Variants in RAP1A observed in about 807,000 individuals in gnomAD.
RAP1A encodes the protein ras-related protein Rap-1A.
A neutral mutation model predicts 26.4 loss-of-function variants in RAP1A; 6 were observed. The observed-to-expected ratio is 0.23, with a 90% CI of 0.12 to 0.45. The LOEUF (loss-of-function observed/expected upper bound fraction) is 0.45. Among genes scored for constraint, RAP1A ranks in the 20% least tolerant of loss-of-function variants. RAP1A has a pLI of 0.99. For synonymous variants in RAP1A, 73 were observed against 79.4 expected (o/e 0.92, Z 0.43); for missense variants, 121 against 217.2 (o/e 0.56, Z 2.78).
chr1:111,565,762 C>T (rs1159661217), intron 1 of RAP1A, among the ~76,000 whole-genome samples: 1 of 152,046 alleles, frequency 6.6e-6, no homozygotes, highest in East Asian at 1.9e-4. Context: ...TTTGTTAGTG[C>T]TCATGTACTT....
chr1:111,582,763 C>T lies in RAP1A; in HGVS notation c.-28+40254C>T, dbSNP rs547513504. Reference sequence around the variant, plus strand: ...AATTAAAAGTACTCAGTTGTACTTCCTAAGGCATTTCCTGTTTAGAGGGTG... The same window carrying T: ...AATTAAAAGTACTCAGTTGTACTTCTTAAGGCATTTCCTGTTTAGAGGGTG... On this transcript the variant is annotated intron_variant, in intron 1 of 7. Coordinates refer to the RAP1A transcript ENST00000356415. 1.1e-3 allele frequency among the ~76,000 whole-genome samples: 167 copies of T among 152,262 alleles called. 1 individual carries two copies. Among genetic ancestry groups the T allele is most frequent in the African/African-American group, 3.9e-3 (160 of 41,546 alleles).
chr1:111,589,605 T>C (rs1658433622), intron 1 of RAP1A, among the ~76,000 whole-genome samples: 1 of 152,216 alleles, frequency 6.6e-6, no homozygotes, highest in Non-Finnish European at 1.5e-5. Flanking sequence ...TTGCTCCATT[T>C]CTACCTGTTT....
At chr1:111,614,631 T>A (rs377709827) in intron 1 of RAP1A, among the ~76,000 whole-genome samples, 17 of 152,318 alleles carry the variant, frequency 1.1e-4, no homozygotes, top group African/African-American at 4.1e-4. Flanking sequence ...TCTGTTTCTC[T>A]TCAAACGTCT....
chr1:111,669,834 A>T (rs1660919630), intron 1 of RAP1A, among the ~76,000 whole-genome samples: 1 of 152,246 alleles, frequency 6.6e-6, no homozygotes, highest in Non-Finnish European at 1.5e-5. Context: ...AGAAATGTAA[A>T]CCTAAAGTCT....
intron 1 of RAP1A, among the ~76,000 whole-genome samples, chr1:111,580,311 C>T (rs148767856): frequency 6.6e-6 from 1 of 152,156 alleles, no homozygotes; most frequent in Non-Finnish European, 1.5e-5. Flanking sequence ...TCTCACTGTG[C>T]TCCATGGCTA....
At chr1:111,603,827 G>C (rs1658716987) in intron 1 of RAP1A, among the ~76,000 whole-genome samples, 1 of 152,098 alleles carries the variant, frequency 6.6e-6, no homozygotes, top group Admixed American at 6.5e-5. Context: ...AAAATTTGCA[G>C]GATTGCAACT....
chr1:111,697,190 T>C (rs924645363), intron 3 of RAP1A, among the ~76,000 whole-genome samples: 1 of 152,204 alleles, frequency 6.6e-6, no homozygotes, highest in Non-Finnish European at 1.5e-5. Context: ...TAATAACAAA[T>C]AAGAATCGTT....
chr1:111,629,982 T>C (rs1206104529), intron 1 of RAP1A, among the ~76,000 whole-genome samples: 3 of 152,226 alleles, frequency 2.0e-5, no homozygotes, highest in Non-Finnish European at 4.4e-5. Context: ...AATAGCATAG[T>C]CCTTAGTTTG....
intron 1 of RAP1A, among the ~76,000 whole-genome samples, chr1:111,576,223 T>C (rs556178811): frequency 1.3e-5 from 2 of 152,338 alleles, no homozygotes; most frequent in South Asian, 4.1e-4. Flanking sequence ...TGCTACTGGT[T>C]ACAGGACCAC....
intron 1 of RAP1A, among the ~76,000 whole-genome samples, chr1:111,641,172 A>G (rs529253422): frequency 5.9e-5 from 9 of 152,282 alleles, no homozygotes; most frequent in East Asian, 1.9e-4. Flanking sequence ...TCTTTTTACA[A>G]TTCCTTTTGT....
chr1:111,658,601 C>T (rs892870333), intron 1 of RAP1A, among the ~76,000 whole-genome samples: 11 of 152,126 alleles, frequency 7.2e-5, no homozygotes, highest in African/African-American at 1.2e-4. Context: ...TAGGCCTACA[C>T]TGGTTCAGGA....
At chr1:111,692,349 G>C (rs1382611711) in intron 2 of RAP1A, among the ~76,000 whole-genome samples, 1 of 152,156 alleles carries the variant, frequency 6.6e-6, no homozygotes, top group Non-Finnish European at 1.5e-5. Flanking sequence ...AGAGAGGCCG[G>C]TGATATGATT....
At chr1:111,683,238 C>A (rs1469233842) in intron 1 of RAP1A, among the ~76,000 whole-genome samples, 1 of 152,120 alleles carries the variant, frequency 6.6e-6, no homozygotes, top group Non-Finnish European at 1.5e-5. Flanking sequence ...TATCAACACC[C>A]TAGCATCACA....
At chr1:111,609,238 G>A (rs1658876104) in intron 1 of RAP1A, among the ~76,000 whole-genome samples, 1 of 152,136 alleles carries the variant, frequency 6.6e-6, no homozygotes, top group South Asian at 2.1e-4. Flanking sequence ...CTGGGTGCAG[G>A]AGGCAAGGGA....
chr1:111,688,881 C>T (rs1239711762), intron 1 of RAP1A, among the ~76,000 whole-genome samples: 1 of 148,872 alleles, frequency 6.7e-6, no homozygotes, highest in Non-Finnish European at 1.5e-5. Context: ...ATCGCCCAGG[C>T]AGGAGTGCAG....
chr1:111,633,301 G>T (rs1380660623), intron 1 of RAP1A, among the ~76,000 whole-genome samples: 2 of 152,042 alleles, frequency 1.3e-5, no homozygotes, highest in Non-Finnish European at 2.9e-5. Context: ...AGTTGATTTG[G>T]TAATGACATA....
At chr1:111,690,892 C>T (rs1299376082) in intron 1 of RAP1A, among the ~76,000 whole-genome samples, 2 of 152,110 alleles carry the variant, frequency 1.3e-5, no homozygotes, top group South Asian at 4.2e-4. Context: ...CAATAATGAA[C>T]AAAATAGTAT....
chr1:111,693,045 A>C (rs2101250918), intron 2 of RAP1A, among the ~76,000 whole-genome samples: 1 of 150,660 alleles, frequency 6.6e-6, no homozygotes, highest in East Asian at 1.9e-4. Context: ...AGAGAAGAGC[A>C]GAGCCCAGGA....
chr1:111,605,356 G>T (rs1183891566), intron 1 of RAP1A, among the ~76,000 whole-genome samples: 2 of 152,150 alleles, frequency 1.3e-5, no homozygotes, highest in African/African-American at 2.4e-5. Context: ...AGGGCCTAAT[G>T]GTCTCAAAAA....
Sources: allele counts gnomAD v4.1 joint callset (sites outside exome capture counted in the v4.1 genomes callset), GRCh38; gene constraint gnomAD v4.1.1; transcripts MANE v1.5; gene names NCBI Gene and HGNC (gene_info 2026-07-23, HGNC 2026-07-21).